Variants in HNRNPR observed in about 807,000 individuals in gnomAD.
The protein encoded by HNRNPR is heterogeneous nuclear ribonucleoprotein R.
Under a neutral mutation model 70.3 loss-of-function variants are expected in HNRNPR, and 4 were observed. That is an observed-to-expected ratio of 0.06 (90% confidence interval 0.03 to 0.13). The LOEUF (loss-of-function observed/expected upper bound fraction) is 0.13. Ranked by LOEUF, HNRNPR falls within the 10% of genes least tolerant of loss-of-function variation. The probability of loss-of-function intolerance (pLI) is 1.00; values close to 1 mark genes in which losing one functional copy is unlikely to be tolerated. For synonymous variants in HNRNPR, 241 were observed against 267.6 expected (o/e 0.90, Z 0.97); for missense variants, 423 against 788.5 (o/e 0.54, Z 5.55).
At chr1:23,338,256 C>T (rs1646578151) in intron 3 of HNRNPR, 1 of 343,964 alleles carries the variant, frequency 2.9e-6, no homozygotes, top group Admixed American at 4.7e-5. Flanking sequence ...CAAAACTTGG[C>T]TTTAATTTTA....
intron 5 of HNRNPR, among the ~76,000 whole-genome samples, chr1:23,324,531 G>A (rs1230249809): frequency 6.6e-6 from 1 of 151,820 alleles, no homozygotes; most frequent in Non-Finnish European, 1.5e-5. Flanking sequence ...TCGTGCCACT[G>A]CACTCCAGCC....
Position 23,321,163 on chromosome 1 carries a change from C to CAAAA in HNRNPR, c.811+361_811+364dup, listed in dbSNP as rs58123581. 1.2e-4 allele frequency among the ~76,000 whole-genome samples: 12 copies of CAAAA among 98,148 alleles called. 1 individual carries two copies. The highest frequency in any genetic ancestry group is 4.1e-4 in the African/African-American group (9 of 22,110). The allele number at this position is 98,148 out of a possible 152,430, so 64.4% of individuals were successfully genotyped here. ...AGGCAACAAGAGCGAAACTCCGTCT[C>CAAAA]AAAAAAAAAAAAAATCTGATCTAGA... is the stretch of plus-strand genomic sequence containing the variant. On this transcript the variant is annotated intron_variant, in intron 7 of 10. Transcript: ENST00000302271.
At chr1:23,314,915 T>C (rs959291592) in intron 8 of HNRNPR, among the ~76,000 whole-genome samples, 12 of 152,068 alleles carry the variant, frequency 7.9e-5, no homozygotes, top group African/African-American at 2.9e-4. Flanking sequence ...AGCAAAAGAT[T>C]AGAAACAATA....
intron 8 of HNRNPR, among the ~76,000 whole-genome samples, chr1:23,315,636 G>T (rs1645512019): frequency 6.6e-6 from 1 of 152,188 alleles, no homozygotes; most frequent in Non-Finnish European, 1.5e-5. Flanking sequence ...GGATTTGGTA[G>T]ACACAGGGAT....
chr1:23,311,101 A>G, intron 10 of HNRNPR, 35 bp from the exon 11 acceptor site: 1 of 1,608,916 alleles, frequency 6.2e-7, no homozygotes, highest in East Asian at 2.2e-5. Flanking sequence ...AGAAAAAACA[A>G]ATCAGTTTGC....
At position 23,338,556 on chromosome 1, in the gene HNRNPR, T is replaced by C. The variant is rs1438161753; in HGVS notation, c.210A>G (p.Glu70=). The C allele has an allele frequency of 1.9e-6, 3 of 1,602,126 alleles. No homozygotes were observed. The highest frequency in any genetic ancestry group is 2.6e-6 in the Non-Finnish European group (3 of 1,174,312). The change falls in exon 3 of 11, where the codon GAA becomes GAG. Residue 70 remains glutamate (E), a synonymous_variant. Transcript: ENST00000302271. ...LDERAIDALR[E]FNEEGALSVL... ...CAGACAGAGCTCCTTCTTCATTAAA[T>C]TCCCTGAGAGCATCAATTGCTCTTT...
At chr1:23,337,710 T>C in intron 4 of HNRNPR, 44 bp downstream of exon 4, 1 of 1,121,678 alleles carries the variant, frequency 8.9e-7, no homozygotes, top group Non-Finnish European at 1.3e-6. Context: ...TTTGACCTCA[T>C]CATTAAATGC....
Position 23,309,121 on chromosome 1 carries a change from T to G in HNRNPR, c.*1333A>C, listed in dbSNP as rs1282274772. ...GTTATGTCTTGGCCAACAAAAAATTTGGGCATCAGGGATAGCAGATAAATA... is the reference window on the plus strand; with the variant it reads ...GTTATGTCTTGGCCAACAAAAAATTGGGGCATCAGGGATAGCAGATAAATA... On this transcript the variant is annotated 3_prime_UTR_variant, in exon 11 of 11. Coordinates refer to ENST00000302271, the MANE Select transcript of HNRNPR (RefSeq NM_005826.5). 6.6e-6 allele frequency: 1 copy of G among 152,110 alleles called. No individual in the cohort carries two copies. The highest frequency in any genetic ancestry group is 1.5e-5 in the Non-Finnish European group (1 of 67,952). The allele number at this position is 152,110 out of a possible 1,614,324, so 9.4% of individuals were successfully genotyped here. A position where few individuals can be genotyped will look rare whatever the true frequency, so the allele number is the denominator to read the frequency against.
intron 5 of HNRNPR, among the ~76,000 whole-genome samples, chr1:23,326,162 A>G (rs1645965805): frequency 6.6e-6 from 1 of 150,648 alleles, no homozygotes; most frequent in Admixed American, 6.6e-5. Flanking sequence ...GGTGTGAGCC[A>G]CTGCGCCCGG....
In HNRNPR at chr1:23,318,932, G is replaced by A. The variant is rs558239730; in HGVS notation, c.812-244C>T. On this transcript the variant is annotated intron_variant, in intron 7 of 10. Transcript: ENST00000302271. The surrounding 1 kb of genome is among the most constrained non-coding windows in gnomAD (Gnocchi z 4.2). Reference sequence around the variant, plus strand: ...ATATACAACAAATCTACTATATTCTGACATTTAACATGCTACAATGTTTTA... The same window carrying A: ...ATATACAACAAATCTACTATATTCTAACATTTAACATGCTACAATGTTTTA... Among the ~76,000 whole-genome samples the A allele has an allele frequency of 6.6e-6, 1 of 152,230 alleles. No individual in the cohort carries two copies.
intron 5 of HNRNPR, among the ~76,000 whole-genome samples, chr1:23,327,761 G>A (rs1459380689): frequency 6.6e-6 from 1 of 151,592 alleles, no homozygotes; most frequent in Non-Finnish European, 1.5e-5. Context: ...TAAGAAGAAG[G>A]AAAAAACAGA....
In HNRNPR at chr1:23,337,811, C is replaced by G; in HGVS notation, c.327G>C (p.Glu109Asp). ...ACTCTTGCACCTTGCTCCCCTGTTT[C>G]TCTCTCTGCCTGTAGGTCTTCATAA... ...CGVMKTYRQR[E>D]KQGSKVQEST... The change falls in exon 4 of 11, where the codon GAG becomes GAC. Residue 109 changes from glutamate to aspartate, a missense_variant. Glu to Asp is a conservative substitution (Grantham distance 45, BLOSUM62 2). Around this residue, in one of 7 missense-constraint regions of HNRNPR, gnomAD observed 118 missense variants for 239.3 expected, o/e 0.49. Transcript: ENST00000302271. 3.1e-6 allele frequency: 5 copies of G among 1,613,494 alleles called. No homozygotes were observed. The highest frequency in any genetic ancestry group is 4.2e-6 in the Non-Finnish European group (5 of 1,179,592).
intron 4 of HNRNPR, among the ~76,000 whole-genome samples, chr1:23,336,930 TTATA>T (rs1646517713): frequency 6.6e-6 from 1 of 152,198 alleles, no homozygotes; most frequent in South Asian, 2.1e-4. Context: ...TGGTTCATGG[TTATA>T]TAGTTCTTGC....
chr1:23,328,189 A>G (rs1270545959), intron 5 of HNRNPR, among the ~76,000 whole-genome samples: 2 of 152,130 alleles, frequency 1.3e-5, no homozygotes, highest in Non-Finnish European at 2.9e-5. Flanking sequence ...GAGTAAGTTA[A>G]ACCATGGTTA....
Position 23,307,357 on chromosome 1 carries a change from ATAATT to A in HNRNPR, c.*3092_*3096del, listed in dbSNP as rs1645217832. On this transcript the variant is annotated 3_prime_UTR_variant, in exon 11 of 11. Transcript: ENST00000302271. ...CCTTCTCTTTTAGAATTTAAAATAT[ATAATT>A]TATTTTTTTGCATGCTGACCTTTTT... is the stretch of plus-strand genomic sequence containing the variant. 1 of 152,044 alleles carries A rather than the reference ATAATT, an allele frequency of 6.6e-6. No individual in the cohort carries two copies. Among genetic ancestry groups the A allele is most frequent in the Admixed American group, 6.5e-5 (1 of 15,276 alleles). 9.4% of individuals were successfully genotyped at this position (152,044 alleles called of 1,614,324 possible).
At chr1:23,321,500 G>T (rs1399354564) in intron 7 of HNRNPR, 28 bp downstream of exon 7, 1 of 1,601,530 alleles carries the variant, frequency 6.2e-7, no homozygotes, top group Non-Finnish European at 8.5e-7. Flanking sequence ...TTTCGCAAAA[G>T]TAATTTCTAA....
rs538270339 is a variant in HNRNPR, at chr1:23,318,334, T to G, written c.1017+149A>C. ...ATTCCTGGATACCAAGACAGGCTGTTAACTTTAGTGTTAAAGCCGCTCCTT... is the reference window on the plus strand; with the variant it reads ...ATTCCTGGATACCAAGACAGGCTGTGAACTTTAGTGTTAAAGCCGCTCCTT... On this transcript the variant is annotated intron_variant, in intron 8 of 10. Transcript: ENST00000302271. This position sits in a 1 kb window ranked among gnomAD's most constrained non-coding sequence, Gnocchi z 4.2. 64 of 635,632 alleles carry G rather than the reference T, an allele frequency of 1.0e-4. No homozygotes were observed. The highest frequency in any genetic ancestry group is 8.5e-4 in the Middle Eastern group (2 of 2,344). The allele number at this position is 635,632 out of a possible 1,614,324, so 39.4% of individuals were successfully genotyped here. A position where few individuals can be genotyped will look rare whatever the true frequency, so the allele number is the denominator to read the frequency against.
chr1:23,336,056 G>A (rs1324447391), intron 4 of HNRNPR, among the ~76,000 whole-genome samples: 5 of 133,490 alleles, frequency 3.7e-5, no homozygotes, highest in Non-Finnish European at 6.2e-5. Context: ...GGCGGAGCTT[G>A]CAGTGAGCCG....
At chr1:23,341,688 T>C (rs566087493) in intron 1 of HNRNPR, among the ~76,000 whole-genome samples, 9 of 152,182 alleles carry the variant, frequency 5.9e-5, no homozygotes, top group East Asian at 1.9e-4. Context: ...CCAAATAAAA[T>C]ACTAAGTGAG....
Sources: allele counts gnomAD v4.1 joint callset (sites outside exome capture counted in the v4.1 genomes callset), GRCh38; gene constraint gnomAD v4.1.1; regional missense constraint gnomAD v4.1.1; non-coding constraint Gnocchi (gnomAD v3.1); transcripts MANE v1.5; gene names NCBI Gene and HGNC (gene_info 2026-07-23, HGNC 2026-07-21).